Variants in NOS1 observed in about 807,000 individuals in gnomAD.
The protein encoded by NOS1 is nitric oxide synthase 1.
A neutral mutation model predicts 164.5 loss-of-function variants in NOS1; 51 were observed. That is an observed-to-expected ratio of 0.31 (90% CI 0.25 to 0.39). The LOEUF (loss-of-function observed/expected upper bound fraction) is 0.39, where lower values mean the gene tolerates loss of function less well. Ranked by LOEUF, NOS1 falls within the 10% of genes least tolerant of loss-of-function variation. The pLI is 1.00. For synonymous variants in NOS1, 719 were observed against 745.8 expected (o/e 0.96, Z 0.59); for missense variants, 1,362 against 1,885.6 (o/e 0.72, Z 5.14).
chr12:117,227,298 G>C (rs1474621782), intron 23 of NOS1, 133 bp downstream of exon 23: 5 of 818,898 alleles, frequency 6.1e-6, no homozygotes, highest in Non-Finnish European at 3.9e-6. Context: ...TCTTCCCCCA[G>C]CTTTCTGGTC....
intron 3 of NOS1, among the ~76,000 whole-genome samples, chr12:117,299,128 C>T (rs907144284): frequency 1.1e-4 from 16 of 152,188 alleles, no homozygotes; most frequent in South Asian, 2.1e-4. Flanking sequence ...CCACCTCTCC[C>T]GGGCAGCAAG....
chr12:117,257,064 C>A (rs1871519098), intron 16 of NOS1, among the ~76,000 whole-genome samples: 1 of 151,940 alleles, frequency 6.6e-6, no homozygotes, highest in Non-Finnish European at 1.5e-5. Flanking sequence ...AACAGCGAAA[C>A]TTCATCTCAA....
intron 21 of NOS1, among the ~76,000 whole-genome samples, chr12:117,232,377 T>C (rs971058104): frequency 6.6e-6 from 1 of 151,876 alleles, no homozygotes; most frequent in Non-Finnish European, 1.5e-5. Flanking sequence ...AGGAGAAAAA[T>C]ACTAAAATAG....
chr12:117,332,712 A>T (rs542516021), intron 1 of NOS1, among the ~76,000 whole-genome samples: 341 of 152,270 alleles, frequency 2.2e-3, no homozygotes, highest in Middle Eastern at 6.8e-3. Context: ...TAAAAATACA[A>T]AAATTAGCCG....
intron 2 of NOS1, among the ~76,000 whole-genome samples, chr12:117,313,488 G>T (rs2136057195): frequency 6.6e-6 from 1 of 152,180 alleles, no homozygotes; most frequent in South Asian, 2.1e-4. Context: ...TAGAGACAGG[G>T]TCTCACTGTG....
In NOS1 at chr12:117,234,093, C is replaced by T. The variant is rs373376735; in HGVS notation, c.3235+472G>A. Among the ~76,000 whole-genome samples the T allele has an allele frequency of 9.2e-5, 14 of 152,088 alleles. No individual in the cohort carries two copies. The highest frequency in any genetic ancestry group is 3.1e-4 in the African/African-American group (13 of 41,394). On this transcript the variant is annotated intron_variant, in intron 21 of 28. Transcript: ENST00000317775. The surrounding 1 kb of genome is among the most constrained non-coding windows in gnomAD (Gnocchi z 4.3). ...TGTCAAGGATGGACACTTAAGCAGG[C>T]GAGAACTTGACCTAATGAGGTAAAA... is the stretch of plus-strand genomic sequence containing the variant.
rs567914552 is a variant in NOS1 at position 117,290,873 on chromosome 12, A to G, written c.853-447T>C. On this transcript the variant is annotated intron_variant, in intron 3 of 28. Transcript: ENST00000317775. ...TTCTAGGCCTTTCTGTGACAGTCCA[A>G]ACTCACCATTTCTGGCGAGTACTGA... Among the ~76,000 whole-genome samples the G allele has an allele frequency of 2.0e-5, 3 of 152,266 alleles. No homozygotes were observed. In the East Asian group the frequency reaches 5.8e-4, roughly 29 times the overall value.
chr12:117,285,981 G>C, intron 6 of NOS1, 123 bp downstream of exon 6: 1 of 1,047,908 alleles, frequency 9.5e-7, no homozygotes. Flanking sequence ...ACCATCATCT[G>C]ATAGGTCACC....
Position 117,214,512 on chromosome 12 carries a change from G to A in NOS1, c.*797C>T. 1 of 985,338 alleles carries A rather than the reference G, an allele frequency of 1.0e-6. No individual in the cohort carries two copies. 61.0% of individuals were successfully genotyped at this position (985,338 alleles called of 1,614,324 possible). ...GGGGATTTGCACAATCCATTGGATGGGTTCATGTCACATGAGGGCTCTGCT... is the reference window on the plus strand; with the variant it reads ...GGGGATTTGCACAATCCATTGGATGAGTTCATGTCACATGAGGGCTCTGCT... On this transcript the variant is annotated 3_prime_UTR_variant, in exon 29 of 29. Coordinates refer to ENST00000317775, the MANE Select transcript of NOS1 (RefSeq NM_000620.5).
chr12:117,286,062 C>T (rs768731305), intron 6 of NOS1, 42 bp downstream of exon 6: 8 of 1,606,538 alleles, frequency 5.0e-6, no homozygotes, highest in Non-Finnish European at 6.8e-6. Flanking sequence ...CCCCTCTTCC[C>T]TCATTTAAGG....
chr12:117,257,350 T>G (rs1194072054), intron 16 of NOS1, among the ~76,000 whole-genome samples: 2 of 152,110 alleles, frequency 1.3e-5, no homozygotes, highest in African/African-American at 4.8e-5. Context: ...CCCAAAGCAC[T>G]AGGATTATAG....
At chr12:117,265,900 C>T (rs1451856154) in intron 11 of NOS1, among the ~76,000 whole-genome samples, 1 of 151,934 alleles carries the variant, frequency 6.6e-6, no homozygotes, top group Non-Finnish European at 1.5e-5. Flanking sequence ...ACACCATTCT[C>T]CTGCCTCAGC....
chr12:117,295,611 C>T, intron 3 of NOS1, among the ~76,000 whole-genome samples: 1 of 122,298 alleles, frequency 8.2e-6, no homozygotes, highest in South Asian at 2.9e-4. Flanking sequence ...CTTTCCTGAT[C>T]ATTCTTTTTT....
At chr12:117,233,729 A>C (rs541238320) in intron 21 of NOS1, among the ~76,000 whole-genome samples, 1 of 149,210 alleles carries the variant, frequency 6.7e-6, no homozygotes, top group African/African-American at 2.5e-5. Flanking sequence ...AATCGCTTGA[A>C]CCTGGGAGGT....
At chr12:117,242,749 G>T in intron 19 of NOS1, 44 bp from the exon 20 acceptor site, 1 of 1,582,028 alleles carries the variant, frequency 6.3e-7, no homozygotes. Flanking sequence ...GGGGTTGAAT[G>T]TTCCATTAAA....
chr12:117,318,015 T>TA (rs1874745394), intron 2 of NOS1, among the ~76,000 whole-genome samples: 1 of 151,880 alleles, frequency 6.6e-6, no homozygotes, highest in African/African-American at 2.4e-5. Context: ...ATACACAAAA[T>TA]AAAAAAATTA....
At position 117,214,753 on chromosome 12, in the gene NOS1, T is replaced by C; in HGVS notation, c.*556A>G. The C allele has an allele frequency of 1.0e-6, 1 of 985,044 alleles. No homozygotes were observed. The highest frequency in any genetic ancestry group is 1.2e-6 in the Non-Finnish European group (1 of 829,972). 61.0% of individuals were successfully genotyped at this position (985,044 alleles called of 1,614,324 possible). A position where few individuals can be genotyped will look rare whatever the true frequency, so the allele number is the denominator to read the frequency against. ...GGGCCAGGGACACGTTTCTTGGCAT[T>C]GAGGGTCTTCAATGAAAGCAGTGGC... On this transcript the variant is annotated 3_prime_UTR_variant, in exon 29 of 29. Coordinates refer to ENST00000317775, the MANE Select transcript of NOS1 (RefSeq NM_000620.5).
Position 117,208,391 on chromosome 12 carries a change from CGTGTGTGTGTGT to C in NOS1, c.*6906_*6917del. On this transcript the variant is annotated 3_prime_UTR_variant, in exon 29 of 29. Coordinates refer to ENST00000317775, the MANE Select transcript of NOS1 (RefSeq NM_000620.5). Reference sequence around the variant, plus strand: ...GGGGGGACGGCCGAGTTTCTGACAGCGTGTGTGTGTGTGTGTGTGTGTGTGTGTGTGGTGAGA... The same window carrying C: ...GGGGGGACGGCCGAGTTTCTGACAGCGTGTGTGTGTGTGTGTGTGGTGAGA... 24 of 1,244,284 alleles carry C rather than the reference CGTGTGTGTGTGT, an allele frequency of 1.9e-5. No individual in the cohort carries two copies. The highest frequency in any genetic ancestry group is 3.0e-4 in the Middle Eastern group (1 of 3,282). 77.1% of individuals were successfully genotyped at this position (1,244,284 alleles called of 1,614,324 possible). A position where few individuals can be genotyped will look rare whatever the true frequency, so the allele number is the denominator to read the frequency against.
intron 16 of NOS1, among the ~76,000 whole-genome samples, chr12:117,257,637 G>A (rs1483512649): frequency 5.1e-5 from 6 of 118,084 alleles, no homozygotes; most frequent in African/African-American, 1.0e-4. Context: ...TTTTTTGACA[G>A]GTCTGGCTGT....
Sources: gnomAD v4.1 joint callset for allele counts (sites outside exome capture counted in the v4.1 genomes callset) on GRCh38, gnomAD v4.1.1 for gene constraint, Gnocchi (gnomAD v3.1) non-coding constraint, MANE v1.5 for transcripts, NCBI Gene and HGNC (gene_info 2026-07-23, HGNC 2026-07-21) for gene names.